The following LPO variants were observed in gnomAD, a reference collection of about 807,000 sequenced individuals.
The protein encoded by LPO is salivary peroxidase.
Under a neutral mutation model 68.4 loss-of-function variants are expected in LPO, and 70 were observed. The observed-to-expected ratio is 1.02, with a 90% confidence interval of 0.84 to 1.25. The LOEUF (loss-of-function observed/expected upper bound fraction) is 1.25, where lower values mean the gene tolerates loss of function less well. Among genes scored for constraint, LPO ranks in the 50% most tolerant of loss-of-function variants. The pLI is 0.00. For synonymous variants in LPO, 360 were observed against 357.6 expected (o/e 1.01, Z -0.08); for missense variants, 873 against 908.4 (o/e 0.96, Z 0.50).
chr17:58,267,512 G>A lies in LPO; in HGVS notation c.1857G>A (p.Val619=). The A allele has an allele frequency of 1.2e-6, 2 of 1,614,222 alleles. No homozygotes were observed. The highest frequency in any genetic ancestry group is 3.3e-4 in the Middle Eastern group (2 of 6,062). The stretch of plus-strand genomic sequence containing the variant: ...TAGGGGCCATTGCTGAGCCGCTGGT[G>A]GAAAGGGGTCGGGTGGGGCCTCTCC... The part of the protein sequence containing the change: ...IWIGAIAEPL[V]ERGRVGPLLA... Residue 619 remains valine (V), a synonymous_variant, in exon 12 of 13, where the codon GTG becomes GTA. Transcript: ENST00000262290.
In LPO at chr17:58,244,137, C is replaced by G. The variant is rs977958264; in HGVS notation, c.164+56C>G. The G allele has an allele frequency of 1.9e-5, 23 of 1,221,762 alleles. No individual in the cohort carries two copies. In the Admixed American group the frequency reaches 4.3e-4, roughly 23 times the overall value. 75.7% of individuals were successfully genotyped at this position (1,221,762 alleles called of 1,614,324 possible). On this transcript the variant is annotated intron_variant, in intron 3 of 12. Transcript: ENST00000262290. Reference sequence around the variant, plus strand: ...CACACACACACACACACACACTTCCCTTCACAGGCTTCCTGTTCATGACAA... The same window carrying G: ...CACACACACACACACACACACTTCCGTTCACAGGCTTCCTGTTCATGACAA...
intron 1 of LPO, among the ~76,000 whole-genome samples, chr17:58,242,353 T>C (rs1969773951): frequency 6.6e-6 from 1 of 152,202 alleles, no homozygotes; most frequent in East Asian, 1.9e-4. Flanking sequence ...GTCATAACTT[T>C]CTTTCAGTAT....
intron 8 of LPO, 81 bp downstream of exon 8, chr17:58,252,587 T>C (rs1969983325): frequency 7.2e-7 from 1 of 1,393,204 alleles, no homozygotes; most frequent in Non-Finnish European, 9.7e-7. Flanking sequence ...CTTCTTGTCA[T>C]CTTTCTGGAA....
chr17:58,240,269 G>A (rs1050639593), intron 1 of LPO, among the ~76,000 whole-genome samples: 1 of 152,204 alleles, frequency 6.6e-6, no homozygotes, highest in South Asian at 2.1e-4. Flanking sequence ...CATTTGAGGG[G>A]CAAAGGCTGT....
At chr17:58,265,297 C>G (rs1970242165) in intron 10 of LPO, among the ~76,000 whole-genome samples, 1 of 152,130 alleles carries the variant, frequency 6.6e-6, no homozygotes, top group African/African-American at 2.4e-5. Context: ...TACCTCCTTT[C>G]CCCGCCCTAG....
At chr17:58,254,189 A>T (rs977483446) in intron 8 of LPO, among the ~76,000 whole-genome samples, 3 of 152,044 alleles carry the variant, frequency 2.0e-5, no homozygotes, top group Non-Finnish European at 1.5e-5. Flanking sequence ...AGATAGATAG[A>T]TAGACTCTCC....
At chr17:58,255,044 C>A in intron 9 of LPO, 73 bp downstream of exon 9, 1 of 1,530,550 alleles carries the variant, frequency 6.5e-7, no homozygotes. Context: ...CTGCTGGCTG[C>A]TGTGCCTCAG....
In LPO at chr17:58,254,950, A is replaced by G. The variant is rs201752066; in HGVS notation, c.1245A>G (p.Lys415=). The change falls in exon 9 of 13, where the codon AAA becomes AAG. Residue 415 remains lysine (K), a synonymous_variant. Coordinates refer to ENST00000262290, the MANE Select transcript of LPO (RefSeq NM_006151.3). The stretch of plus-strand genomic sequence containing the variant: ...AGAAGCTCTACCAGGAAGCCCGGAA[A>G]ATCCTGGGAGCCTTCGTGCAGGTAG... ...DGEKLYQEAR[K]ILGAFVQIIT... 1 of 1,614,034 alleles carries G rather than the reference A, an allele frequency of 6.2e-7. No individual in the cohort carries two copies. Among genetic ancestry groups the G allele is most frequent in the East Asian group, 2.2e-5 (1 of 44,868 alleles).
At chr17:58,262,388 G>A (rs765619148) in intron 9 of LPO, among the ~76,000 whole-genome samples, 2 of 152,052 alleles carry the variant, frequency 1.3e-5, no homozygotes, top group Non-Finnish European at 2.9e-5. Context: ...TTGTTTGTTT[G>A]TTTATTTCTT....
At chr17:58,241,132 T>TC (rs1237372621) in intron 1 of LPO, among the ~76,000 whole-genome samples, 57 of 121,246 alleles carry the variant, frequency 4.7e-4, no homozygotes, top group East Asian at 2.5e-3. Flanking sequence ...TTTCTTTTTT[T>TC]TTTTTTTTTT....
rs1432969943 is a variant in LPO at position 58,267,450 on chromosome 17, G to C, written c.1795G>C (p.Gly599Arg). 1 of 1,614,102 alleles carries C rather than the reference G, an allele frequency of 6.2e-7. No individual in the cohort carries two copies. The highest frequency in any genetic ancestry group is 1.3e-5 in the African/African-American group (1 of 74,932). Residue 599 changes from glycine (G) to arginine (R), a missense_variant, in exon 12 of 13, where the codon GGT becomes CGT. Physicochemically the swap from Gly to Arg is moderately radical, Grantham distance 125. Transcript: ENST00000262290. ...CAAGATGCTGGCCAAGAAGTTACTGGGTCTCTACGGGACCCCTGACAACAT... is the reference window on the plus strand; with the variant it reads ...CAAGATGCTGGCCAAGAAGTTACTGCGTCTCTACGGGACCCCTGACAACAT... Reference protein sequence around the residue: ...KSKMLAKKLLGLYGTPDNIDI... With the variant: ...KSKMLAKKLLRLYGTPDNIDI...
At chr17:58,260,361 T>C (rs897817721) in intron 9 of LPO, among the ~76,000 whole-genome samples, 1 of 152,224 alleles carries the variant, frequency 6.6e-6, no homozygotes, top group Non-Finnish European at 1.5e-5. Flanking sequence ...ATGATTTTTC[T>C]TTCTTTTTCT....
In LPO at chr17:58,250,939, T is replaced by C. The variant is rs577540494; in HGVS notation, c.780+318T>C. The stretch of plus-strand genomic sequence containing the variant: ...AGAATGGGAACACTGGAGAAGGTTG[T>C]CTACATTCCCGACCCAGCAGCATTG... On this transcript the variant is annotated intron_variant, in intron 7 of 12. Transcript: ENST00000262290. 37 of 352,620 alleles carry C rather than the reference T, an allele frequency of 1.0e-4. No individual in the cohort carries two copies. The South Asian group carries it at 1.2e-3, about 11-fold the overall frequency. 21.8% of individuals were successfully genotyped at this position (352,620 alleles called of 1,614,324 possible).
Position 58,264,749 on chromosome 17 carries a change from AT to A in LPO, c.1298del (p.Leu433CysfsTer2). The stretch of plus-strand genomic sequence containing the variant: ...TATCACCTTTAGGGACTACCTACCC[AT>A]TTTGCTAGGTGACCACATGCAGAAG... ...QIITFRDYLP[I>X]LLGDHMQKWI... On this transcript the variant is annotated frameshift_variant, in exon 10 of 13. Transcript: ENST00000262290. LOFTEE classifies it high-confidence loss of function. The A allele has an allele frequency of 6.2e-7, 1 of 1,614,060 alleles. No homozygotes were observed. Among genetic ancestry groups the A allele is most frequent in the Non-Finnish European group, 8.5e-7 (1 of 1,180,016 alleles).
chr17:58,242,056 T>C (rs2143879082), intron 1 of LPO, among the ~76,000 whole-genome samples: 1 of 152,266 alleles, frequency 6.6e-6, no homozygotes, highest in African/African-American at 2.4e-5. Context: ...ACAGGCGCCC[T>C]TGTGAAAGCT....
intron 9 of LPO, among the ~76,000 whole-genome samples, chr17:58,261,529 AT>A (rs1474429987): frequency 1.3e-5 from 2 of 151,896 alleles, no homozygotes; most frequent in African/African-American, 4.8e-5. Flanking sequence ...TAGACATCAT[AT>A]AGTTGGGTCA....
intron 9 of LPO, among the ~76,000 whole-genome samples, chr17:58,256,464 T>C (rs2143924914): frequency 6.6e-6 from 1 of 151,580 alleles, no homozygotes; most frequent in Non-Finnish European, 1.5e-5. Flanking sequence ...CCTATATGTA[T>C]GGGGTACATT....
chr17:58,242,957 T>G (rs1408501816), intron 1 of LPO, 21 bp from the exon 2 acceptor site: 1 of 1,611,036 alleles, frequency 6.2e-7, no homozygotes, highest in Non-Finnish European at 8.5e-7. Context: ...GCTCACAGTG[T>G]GATCCTGCAT....
At chr17:58,249,864 C>T (rs757419613) in intron 6 of LPO, among the ~76,000 whole-genome samples, 169 bp downstream of exon 6, 1 of 152,198 alleles carries the variant, frequency 6.6e-6, no homozygotes, top group Non-Finnish European at 1.5e-5. Flanking sequence ...GCTCGGAGCC[C>T]GGAGCCCGGC....
Sources: allele counts gnomAD v4.1 joint callset (sites outside exome capture counted in the v4.1 genomes callset), GRCh38; gene constraint gnomAD v4.1.1; transcripts MANE v1.5; gene names NCBI Gene and HGNC (gene_info 2026-07-23, HGNC 2026-07-21).